Variants in DLG2 observed in about 807,000 individuals in gnomAD.
DLG2 encodes disks large homolog 2.
DLG2 carries 45 observed loss-of-function variants against 132.5 expected under a neutral mutation model. That is an observed-to-expected ratio of 0.34 (90% CI 0.27 to 0.44). The LOEUF (loss-of-function observed/expected upper bound fraction) is 0.44. Ranked by LOEUF, DLG2 falls within the 20% of genes least tolerant of loss-of-function variation. DLG2 has a pLI of 1.00. For synonymous variants in DLG2, 424 were observed against 419.6 expected, an observed-to-expected ratio of 1.01 and a Z score of -0.13; for missense variants, 1,045 against 1,196.9, an observed-to-expected ratio of 0.87 and a Z score of 1.87.
At chr11:84,382,031 A>G (rs1347906500) in intron 7 of DLG2, among the ~76,000 whole-genome samples, 3 of 152,188 alleles carry the variant, frequency 2.0e-5, no homozygotes, top group African/African-American at 4.8e-5. Flanking sequence ...GAGTACAATG[A>G]GGAAAAGAAA....
At chr11:85,223,481 T>TTA (rs572988109) in intron 4 of DLG2, among the ~76,000 whole-genome samples, 54 of 151,628 alleles carry the variant, frequency 3.6e-4, no homozygotes, top group Non-Finnish European at 6.6e-4. Flanking sequence ...TAAAAAAAAT[T>TTA]TATATATATA....
At chr11:85,566,848 T>C (rs746340109) in intron 3 of DLG2, among the ~76,000 whole-genome samples, 3 of 152,178 alleles carry the variant, frequency 2.0e-5, no homozygotes, top group Non-Finnish European at 2.9e-5. Flanking sequence ...AATTTTGTTA[T>C]ATAATGTGGA....
chr11:84,052,184 C>T (rs1243907068), intron 11 of DLG2, among the ~76,000 whole-genome samples: 24 of 151,834 alleles, frequency 1.6e-4, no homozygotes, highest in Admixed American at 1.6e-3. Context: ...TTATATGACA[C>T]ATCATAACTC....
At position 83,989,517 on chromosome 11, in the gene DLG2, T is replaced by A. The variant is rs1443880740; in HGVS notation, c.920-8875A>T. Among the ~76,000 whole-genome samples, 12 of 152,164 alleles carry A rather than the reference T, an allele frequency of 7.9e-5. 1 individual carries two copies. The highest frequency in any genetic ancestry group is 1.8e-4 in the Non-Finnish European group (12 of 68,038). Reference sequence around the variant, plus strand: ...CTACCAGCATTATGTGAGGGAAGCATGACTTACTTCTTAGAGGAGAAGGAG... The same window carrying A: ...CTACCAGCATTATGTGAGGGAAGCAAGACTTACTTCTTAGAGGAGAAGGAG... On this transcript the variant is annotated intron_variant, in intron 11 of 27. Coordinates refer to ENST00000376104, the MANE Select transcript of DLG2 (RefSeq NM_001142699.3).
At chr11:83,887,757 A>T (rs2068363085) in intron 15 of DLG2, among the ~76,000 whole-genome samples, 1 of 149,864 alleles carries the variant, frequency 6.7e-6, no homozygotes, top group Admixed American at 6.6e-5. Flanking sequence ...CACCATGATC[A>T]AGTGGGCTTC....
At chr11:83,883,181 G>A (rs1481204211) in intron 15 of DLG2, among the ~76,000 whole-genome samples, 4 of 151,942 alleles carry the variant, frequency 2.6e-5, no homozygotes, top group South Asian at 2.1e-4. Context: ...TTAACATATC[G>A]TGTTCCTTCA....
chr11:85,526,722 G>C (rs2074782834), intron 3 of DLG2, among the ~76,000 whole-genome samples: 1 of 152,138 alleles, frequency 6.6e-6, no homozygotes. Context: ...TTCTGGAAGA[G>C]ATTAGCATTT....
At chr11:85,368,743 C>T (rs1351601988) in intron 3 of DLG2, among the ~76,000 whole-genome samples, 2 of 152,212 alleles carry the variant, frequency 1.3e-5, no homozygotes, top group Non-Finnish European at 2.9e-5. Flanking sequence ...AGGGTCACAC[C>T]TGTTTCCCAA....
chr11:84,852,249 T>G (rs946093184), intron 6 of DLG2, among the ~76,000 whole-genome samples: 2 of 151,982 alleles, frequency 1.3e-5, no homozygotes, highest in African/African-American at 4.8e-5. Flanking sequence ...AGTAAAAACA[T>G]TTTCAAAAAG....
chr11:83,842,601 G>A (rs1429534212), intron 16 of DLG2, among the ~76,000 whole-genome samples: 1 of 151,398 alleles, frequency 6.6e-6, no homozygotes, highest in African/African-American at 2.4e-5. Context: ...GGCCGAGGCG[G>A]GTGGATCACG....
At chr11:84,703,784 T>C (rs992145090) in intron 6 of DLG2, among the ~76,000 whole-genome samples, 16 of 149,362 alleles carry the variant, frequency 1.1e-4, no homozygotes, top group Non-Finnish European at 1.8e-4. Context: ...ACTAGAAATG[T>C]CCATAAGAGC....
chr11:85,171,574 G>A (rs1431836233), intron 4 of DLG2, among the ~76,000 whole-genome samples: 5 of 152,120 alleles, frequency 3.3e-5, no homozygotes, highest in Middle Eastern at 3.2e-3. Flanking sequence ...CACGCATTAC[G>A]CTAGGAAGGG....
chr11:84,137,439 T>C (rs2094645026), intron 9 of DLG2, among the ~76,000 whole-genome samples: 1 of 140,714 alleles, frequency 7.1e-6, no homozygotes. Context: ...CCAAATTTTA[T>C]GTGTGTGTGT....
intron 15 of DLG2, among the ~76,000 whole-genome samples, chr11:83,909,857 C>A (rs61901828): frequency 0.2 from 30,465 of 152,012 alleles, 3,341 homozygotes; most frequent in Non-Finnish European, 0.26. Flanking sequence ...ACATTTGATA[C>A]AGGTCAATAC....
chr11:85,181,135 AAAT>A (rs1207081109), intron 4 of DLG2, among the ~76,000 whole-genome samples: 1 of 151,736 alleles, frequency 6.6e-6, no homozygotes, highest in Admixed American at 6.6e-5. Context: ...ACTAAAGAAG[AAAT>A]AATTTCTCTC....
chr11:83,676,510 G>A lies in DLG2; in HGVS notation c.1826-43185C>T, dbSNP rs149287145. 1.9e-3 allele frequency among the ~76,000 whole-genome samples: 291 copies of A among 152,228 alleles called. 1 individual carries two copies. Among genetic ancestry groups the A allele is most frequent in the Non-Finnish European group, 3.5e-3 (237 of 68,016 alleles). ...CAGACTGGGTGGGCACTTAATGTAG[G>A]CATACTATGTGTTAAGTATTTACTG... is the stretch of plus-strand genomic sequence containing the variant. On this transcript the variant is annotated intron_variant, in intron 18 of 27. Transcript: ENST00000376104.
At chr11:83,582,994 T>C (rs1303194405) in intron 19 of DLG2, among the ~76,000 whole-genome samples, 1 of 152,182 alleles carries the variant, frequency 6.6e-6, no homozygotes, top group African/African-American at 2.4e-5. Context: ...ACAGATAAAA[T>C]GTATAAGAGC....
intron 6 of DLG2, among the ~76,000 whole-genome samples, chr11:84,637,619 A>G (rs2099643000): frequency 6.6e-6 from 1 of 152,194 alleles, no homozygotes; most frequent in Non-Finnish European, 1.5e-5. Context: ...AGATTACTTC[A>G]TTTGTTCTTG....
chr11:84,164,930 T>C (rs1566776573), intron 8 of DLG2, among the ~76,000 whole-genome samples: 1 of 152,224 alleles, frequency 6.6e-6, no homozygotes, highest in African/African-American at 2.4e-5. Context: ...AGAAAAGGAC[T>C]TGATGATGTC....
Sources: allele counts gnomAD v4.1 joint callset (sites outside exome capture counted in the v4.1 genomes callset), GRCh38; gene constraint gnomAD v4.1.1; transcripts MANE v1.5; gene names NCBI Gene and HGNC (gene_info 2026-07-23, HGNC 2026-07-21).